Variants in PIN4 observed in about 807,000 individuals in gnomAD.
PIN4 encodes peptidylprolyl cis/trans isomerase, NIMA-interacting 4, also known as peptidyl-prolyl cis-trans isomerase NIMA-interacting 4.
In PIN4, 3 loss-of-function variants were observed where a neutral mutation model predicts 8.3. That is an observed-to-expected ratio of 0.36 (90% confidence interval 0.16 to 0.93). The LOEUF is 0.93. Among genes scored for constraint, PIN4 ranks in the 40% least tolerant of loss-of-function variants. PIN4 has a pLI of 0.44. For synonymous variants in PIN4, 18 were observed against 32.5 expected (o/e 0.55, Z 1.52); for missense variants, 75 against 100.6 (o/e 0.75, Z 1.09).
In PIN4 at chrX:72,257,393, G is replaced by A. The variant is rs560357955; in HGVS notation, c.313-5314G>A. 2.9e-4 allele frequency among the ~76,000 whole-genome samples: 32 copies of A among 110,619 alleles called. No individual in the cohort carries two copies. In the South Asian group the frequency reaches 0.013, roughly 44 times the overall value. Reference sequence around the variant, plus strand: ...TTGTAACAGAATCCCTCTGGCTTCTGTGTGGTGAATAGACTGTGTGGGGCC... The same window carrying A: ...TTGTAACAGAATCCCTCTGGCTTCTATGTGGTGAATAGACTGTGTGGGGCC... On this transcript the variant is annotated intron_variant, in intron 3 of 3. Transcript: ENST00000423432.
chrX:72,187,978 G>C (rs1415548020), intron 2 of PIN4, among the ~76,000 whole-genome samples: 1 of 110,408 alleles, frequency 9.1e-6, no homozygotes, highest in Non-Finnish European at 1.9e-5. Flanking sequence ...GGTGTGGACT[G>C]TTCTGCCCAC....
chrX:72,245,507 G>C (rs2043064670), intron 3 of PIN4, among the ~76,000 whole-genome samples: 2 of 111,564 alleles, frequency 1.8e-5, no homozygotes, highest in African/African-American at 3.3e-5. Flanking sequence ...ACCTAATTAG[G>C]CTTCTCCCAC....
Position 72,239,052 on chromosome X carries a change from AC to A in PIN4, c.313-23654del, listed in dbSNP as rs1429161734. On this transcript the variant is annotated intron_variant, in intron 3 of 3. Transcript: ENST00000423432. ...TGCTCTGTGCGCCGTGGAGAGGGAC[AC>A]AGCCAACCGACGGCCTCGCGGCCGG... 1.0e-5 allele frequency: 6 copies of A among 579,986 alleles called. No individual in the cohort carries two copies. In the African/African-American group the frequency reaches 1.1e-4, roughly 11 times the overall value. 47.8% of individuals were successfully genotyped at this position (579,986 alleles called of 1,213,427 possible).
At chrX:72,204,866 G>T in intron 3 of PIN4, 1 of 407,504 alleles carries the variant, frequency 2.5e-6, no homozygotes, top group Middle Eastern at 6.7e-4. Flanking sequence ...AGACTATGGA[G>T]TGGGGGGCGT....
At chrX:72,231,630 T>C (rs901416229) in intron 3 of PIN4, among the ~76,000 whole-genome samples, 1 of 110,762 alleles carries the variant, frequency 9.0e-6, no homozygotes, top group Non-Finnish European at 1.9e-5. Flanking sequence ...CTCAGGTTAC[T>C]GCAGCCTCCG....
At position 72,243,080 on chromosome X, in the gene PIN4, C is replaced by A. The variant is rs368966735; in HGVS notation, c.313-19627C>A. Among the ~76,000 whole-genome samples, 4 of 110,209 alleles carry A rather than the reference C, an allele frequency of 3.6e-5. No homozygotes were observed. In the Admixed American group the frequency reaches 3.9e-4, roughly 11 times the overall value. On this transcript the variant is annotated intron_variant, in intron 3 of 3. Coordinates refer to the PIN4 transcript ENST00000423432. ...GGTGCGGTGGCTTACATCTGTAATG[C>A]CAGCACTTTGGGAGGTCGAGGTGGG...
chrX:72,194,534 G>GA (rs200361824), intron 2 of PIN4, among the ~76,000 whole-genome samples: 11 of 99,196 alleles, frequency 1.1e-4, no homozygotes, highest in Non-Finnish European at 1.2e-4. Context: ...CTCCGTCTCA[G>GA]AAAAAAAAAA....
At chrX:72,189,467 T>C (rs1471108012) in intron 2 of PIN4, among the ~76,000 whole-genome samples, 1 of 112,105 alleles carries the variant, frequency 8.9e-6, no homozygotes, top group Non-Finnish European at 1.9e-5. Flanking sequence ...ATGTAACCTT[T>C]TGGGATTGGT....
chrX:72,182,884 A>G (rs1209076128), intron 1 of PIN4, among the ~76,000 whole-genome samples: 1 of 111,918 alleles, frequency 8.9e-6, no homozygotes, highest in East Asian at 2.8e-4. Context: ...GAATGAAAAC[A>G]GAAACAAAGA....
At chrX:72,262,623 C>A in intron 3 of PIN4, 1 of 586,578 alleles carries the variant, frequency 1.7e-6, no homozygotes, top group Non-Finnish European at 2.7e-6. Context: ...CCCATGCAGA[C>A]AAGGGCCCTC....
At chrX:72,202,666 A>C (rs1311432215), downstream of PIN4, among the ~76,000 whole-genome samples, 1 of 111,759 alleles carries the variant, frequency 8.9e-6, no homozygotes, top group Non-Finnish European at 1.9e-5. Flanking sequence ...TATTTCAAAA[A>C]TAATGATATA....
rs182727057 is a variant in PIN4 at position 72,247,985 on chromosome X, C to G, written c.313-14722C>G. Reference sequence around the variant, plus strand: ...CTTCTCACAGCCCAGTTCCACTGATCTTAGAACCATGTCTTCCATCCTTTG... The same window carrying G: ...CTTCTCACAGCCCAGTTCCACTGATGTTAGAACCATGTCTTCCATCCTTTG... On this transcript the variant is annotated intron_variant, in intron 3 of 3. Coordinates refer to the PIN4 transcript ENST00000423432. Among the ~76,000 whole-genome samples, 359 of 111,547 alleles carry G rather than the reference C, an allele frequency of 3.2e-3. 1 individual carries two copies. The highest frequency in any genetic ancestry group is 7.9e-3 in the Admixed American group (83 of 10,444).
intron 3 of PIN4, among the ~76,000 whole-genome samples, chrX:72,211,317 C>G (rs988017616): frequency 4.5e-5 from 5 of 110,115 alleles, no homozygotes; most frequent in African/African-American, 1.6e-4. Context: ...GTAACCAGTT[C>G]AGGACAAAGA....
At chrX:72,182,051 G>A (rs1023548059) in intron 1 of PIN4, 1 of 425,790 alleles carries the variant, frequency 2.3e-6, no homozygotes. Flanking sequence ...CGATGACTTA[G>A]GGCTGCTATT....
intron 2 of PIN4, 45 bp from the exon 3 acceptor site, chrX:72,196,740 C>T: frequency 8.7e-7 from 1 of 1,148,636 alleles, no homozygotes; most frequent in Non-Finnish European, 1.2e-6. Context: ...TTTAAGGAGT[C>T]ATTTGGGTCT....
intron 3 of PIN4, among the ~76,000 whole-genome samples, chrX:72,258,273 G>A (rs2043121697): frequency 8.9e-6 from 1 of 111,925 alleles, no homozygotes; most frequent in South Asian, 3.7e-4. Context: ...GAAACCTTCT[G>A]AGTTACCGGA....
In PIN4 at chrX:72,191,034, T is replaced by C. The variant is rs186026696; in HGVS notation, c.117+4500T>C. 5.5e-5 allele frequency among the ~76,000 whole-genome samples: 6 copies of C among 109,209 alleles called. No individual in the cohort carries two copies. The East Asian group carries it at 1.7e-3, about 32-fold the overall frequency. The allele number at this position is 109,209 out of a possible 115,157, so 94.8% of individuals were successfully genotyped here. ...CCTTGGGGATTGGGACTACTAATAC[T>C]TGGTCTCTGACTTTACCTAGGCCCT... is the stretch of plus-strand genomic sequence containing the variant. On this transcript the variant is annotated intron_variant, in intron 2 of 3. Transcript: ENST00000373669.
intron 3 of PIN4, among the ~76,000 whole-genome samples, chrX:72,236,278 A>G (rs1408997566): frequency 9.0e-6 from 1 of 111,316 alleles, no homozygotes; most frequent in African/African-American, 3.3e-5. Flanking sequence ...ACACAGTGAG[A>G]CTTCATCTCT....
At chrX:72,213,835 C>T (rs774011516) in intron 3 of PIN4, among the ~76,000 whole-genome samples, 40 of 111,651 alleles carry the variant, frequency 3.6e-4, no homozygotes, top group African/African-American at 1.3e-3. Context: ...GCCAAGAACC[C>T]CAGGTCAGAG....
Sources: allele counts gnomAD v4.1 joint callset (sites outside exome capture counted in the v4.1 genomes callset), GRCh38; gene constraint gnomAD v4.1.1; transcripts MANE v1.5; gene names NCBI Gene and HGNC (gene_info 2026-07-23, HGNC 2026-07-21).